The following THRB variants were observed in gnomAD, a reference collection of about 807,000 sequenced individuals.
The protein encoded by THRB is nuclear receptor subfamily 1 group A member 2.
A neutral mutation model predicts 47.8 loss-of-function variants in THRB; 12 were observed. The observed-to-expected ratio is 0.25, with a 90% confidence interval of 0.16 to 0.41. The LOEUF (loss-of-function observed/expected upper bound fraction) is 0.41, where lower values mean the gene tolerates loss of function less well. Among genes scored for constraint, THRB ranks in the 10% least tolerant of loss-of-function variants. THRB has a pLI of 1.00. For synonymous variants in THRB, 218 were observed against 212.2 expected (o/e 1.03, Z -0.24); for missense variants, 348 against 589.2 (o/e 0.59, Z 4.24).
At chr3:24,240,845 G>T (rs532413942) in intron 3 of THRB, among the ~76,000 whole-genome samples, 175 of 152,214 alleles carry the variant, frequency 1.1e-3, no homozygotes, top group African/African-American at 4.1e-3. Flanking sequence ...AGAACCACCA[G>T]CCTGATCCAT....
intron 10 of THRB, among the ~76,000 whole-genome samples, chr3:24,125,979 G>T (rs1000463333): frequency 6.6e-6 from 1 of 152,108 alleles, no homozygotes; most frequent in African/African-American, 2.4e-5. Context: ...AGTTCATTAT[G>T]CTATTCTATC....
intron 3 of THRB, among the ~76,000 whole-genome samples, chr3:24,265,516 C>G (rs545825613): frequency 6.6e-6 from 1 of 152,248 alleles, no homozygotes; most frequent in East Asian, 1.9e-4. Context: ...TAATCAGGTG[C>G]AGGATTTCTC....
At chr3:24,296,053 C>G (rs2056421187) in intron 3 of THRB, among the ~76,000 whole-genome samples, 1 of 151,828 alleles carries the variant, frequency 6.6e-6, no homozygotes, top group Admixed American at 6.6e-5. Flanking sequence ...CCTCCTACCC[C>G]AAATTTCCAC....
intron 1 of THRB, among the ~76,000 whole-genome samples, chr3:24,418,968 C>A (rs901074080): frequency 1.3e-5 from 2 of 151,848 alleles, no homozygotes; most frequent in African/African-American, 4.8e-5. Flanking sequence ...AGATATGAGG[C>A]ACATCTATCA....
chr3:24,132,650 G>C (rs1173154909), intron 9 of THRB, among the ~76,000 whole-genome samples: 5 of 152,228 alleles, frequency 3.3e-5, no homozygotes, highest in African/African-American at 1.2e-4. Flanking sequence ...TAAAGTTCAA[G>C]TGTCCCAAAG....
At chr3:24,322,033 T>C (rs1318537934) in intron 2 of THRB, among the ~76,000 whole-genome samples, 1 of 152,132 alleles carries the variant, frequency 6.6e-6, no homozygotes, top group Non-Finnish European at 1.5e-5. Flanking sequence ...TTACTTTATA[T>C]ATTTAGTGGA....
intron 5 of THRB, among the ~76,000 whole-genome samples, chr3:24,172,619 T>A (rs1479134004): frequency 2.0e-5 from 3 of 151,996 alleles, no homozygotes; most frequent in Non-Finnish European, 4.4e-5. Flanking sequence ...CTTGAAAAAG[T>A]GACAGTGTTT....
At chr3:24,467,628 G>T (rs115685921) in intron 1 of THRB, among the ~76,000 whole-genome samples, 1 of 152,196 alleles carries the variant, frequency 6.6e-6, no homozygotes, top group Non-Finnish European at 1.5e-5. Flanking sequence ...GCTCTTAGGT[G>T]ACTAGATGCA....
chr3:24,451,400 A>AT (rs564212873), intron 1 of THRB, among the ~76,000 whole-genome samples: 3 of 151,496 alleles, frequency 2.0e-5, no homozygotes, highest in South Asian at 4.2e-4. Context: ...TGCCTAGCTA[A>AT]TTTTTTTTGT....
chr3:24,469,033 C>A (rs2074364134), intron 1 of THRB, among the ~76,000 whole-genome samples: 1 of 152,184 alleles, frequency 6.6e-6, no homozygotes, highest in South Asian at 2.1e-4. Flanking sequence ...CACGCACAAA[C>A]ACACAGACAC....
intron 4 of THRB, among the ~76,000 whole-genome samples, chr3:24,225,877 C>G (rs2047605292): frequency 6.6e-6 from 1 of 152,050 alleles, no homozygotes; most frequent in South Asian, 2.1e-4. Context: ...GAAGGAATCG[C>G]ATTTTTCAAT....
intron 1 of THRB, among the ~76,000 whole-genome samples, chr3:24,451,702 T>A (rs896154971): frequency 6.6e-6 from 1 of 152,224 alleles, no homozygotes; most frequent in African/African-American, 2.4e-5. Context: ...AAGGCTCATC[T>A]CCTCAGTCCA....
At chr3:24,261,213 C>G (rs2051944281) in intron 3 of THRB, among the ~76,000 whole-genome samples, 1 of 110,838 alleles carries the variant, frequency 9.0e-6, no homozygotes, top group Non-Finnish European at 1.8e-5. Flanking sequence ...TTCAAAAATA[C>G]ATCTCTCGGC....
At chr3:24,352,325 C>T (rs1305652489) in intron 1 of THRB, among the ~76,000 whole-genome samples, 1 of 152,100 alleles carries the variant, frequency 6.6e-6, no homozygotes, top group African/African-American at 2.4e-5. Flanking sequence ...TCTTCAACAA[C>T]CAAAGAAACG....
chr3:24,244,185 T>C (rs1319023128), intron 3 of THRB, among the ~76,000 whole-genome samples: 1 of 152,092 alleles, frequency 6.6e-6, no homozygotes, highest in African/African-American at 2.4e-5. Context: ...GACGGCAGTA[T>C]ATAAATGGCT....
intron 1 of THRB, among the ~76,000 whole-genome samples, chr3:24,390,243 G>C (rs535790155): frequency 7.2e-5 from 11 of 152,228 alleles, no homozygotes; most frequent in African/African-American, 2.6e-4. Context: ...GATATAAAGA[G>C]GCATGAGCCC....
chr3:24,393,220 C>T (rs993464191), intron 1 of THRB, among the ~76,000 whole-genome samples: 2 of 152,082 alleles, frequency 1.3e-5, no homozygotes, highest in Non-Finnish European at 2.9e-5. Context: ...CAGGGAGGCC[C>T]ATGAAAGAGA....
At chr3:24,344,969 A>G (rs2062916241) in intron 1 of THRB, among the ~76,000 whole-genome samples, 1 of 152,080 alleles carries the variant, frequency 6.6e-6, no homozygotes, top group Non-Finnish European at 1.5e-5. Context: ...ATCCTGAGCA[A>G]CTTAGCAGGG....
At chr3:24,415,363 T>C (rs1298293463) in intron 1 of THRB, among the ~76,000 whole-genome samples, 1 of 151,918 alleles carries the variant, frequency 6.6e-6, no homozygotes, top group Admixed American at 6.6e-5. Context: ...TGAAATGAGA[T>C]AAGCTAATTT....
Sources: allele counts gnomAD v4.1 joint callset (sites outside exome capture counted in the v4.1 genomes callset), GRCh38; gene constraint gnomAD v4.1.1; transcripts MANE v1.5; gene names NCBI Gene and HGNC (gene_info 2026-07-23, HGNC 2026-07-21).